SORBS2: variants seen among roughly 807,000 people sequenced by gnomAD.
SORBS2 encodes the protein sorbin and SH3 domain-containing protein 2.
In SORBS2, 46 loss-of-function variants were observed where a neutral mutation model predicts 97.7. That is an observed-to-expected ratio of 0.47 (90% CI 0.37 to 0.60). SORBS2 has a LOEUF of 0.60. Ranked by LOEUF, SORBS2 falls within the 20% of genes least tolerant of loss-of-function variation. SORBS2 has a pLI of 0.00. For missense variants in SORBS2, 1,316 were observed against 1,282.3 expected (o/e 1.03, Z -0.40); for synonymous variants, 476 against 473.4 (o/e 1.01, Z -0.07).
chr4:185,705,439 G>A (rs2098329322), intron 2 of SORBS2, among the ~76,000 whole-genome samples: 1 of 152,084 alleles, frequency 6.6e-6, no homozygotes, highest in African/African-American at 2.4e-5. Flanking sequence ...CCAGCTACTT[G>A]GGAGGCTGAG....
chr4:185,868,155 C>CTTTTTTTTTTTTTTTTTTTTTT (rs1431293135), intron 1 of SORBS2, among the ~76,000 whole-genome samples: 20 of 100,716 alleles, frequency 2.0e-4, no homozygotes, highest in Non-Finnish European at 2.4e-4. Context: ...TTCTTTTTTT[C>CTTTTTTTTTTTTTTTTTTTTTT]TTTCTTTTTT....
chr4:185,874,124 A>G (rs1444607943), intron 1 of SORBS2, among the ~76,000 whole-genome samples: 1 of 152,240 alleles, frequency 6.6e-6, no homozygotes, highest in African/African-American at 2.4e-5. Context: ...TGTTAATAAT[A>G]ATGAAAAAAT....
At chr4:185,850,993 G>A (rs1364121754) in intron 1 of SORBS2, among the ~76,000 whole-genome samples, 1 of 152,078 alleles carries the variant, frequency 6.6e-6, no homozygotes, top group Non-Finnish European at 1.5e-5. Flanking sequence ...CTGGTTCTTG[G>A]GCTCTCAGAC....
chr4:185,635,256 G>A lies in SORBS2; in HGVS notation c.397-4658C>T, dbSNP rs1239298993. On this transcript the variant is annotated intron_variant, in intron 4 of 14. Transcript: ENST00000418609. Reference sequence around the variant, plus strand: ...AAAGATAGATATTTTTTCAAAAATAGCTTAGACATTACAGAGAATTGTAAA... The same window carrying A: ...AAAGATAGATATTTTTTCAAAAATAACTTAGACATTACAGAGAATTGTAAA... 4.7e-6 allele frequency: 4 copies of A among 843,626 alleles called. No homozygotes were observed. In the South Asian group the frequency reaches 4.9e-5, roughly 10 times the overall value. The allele number at this position is 843,626 out of a possible 1,614,324, so 52.3% of individuals were successfully genotyped here.
intron 2 of SORBS2, among the ~76,000 whole-genome samples, chr4:185,764,424 T>C (rs935621339): frequency 3.9e-5 from 6 of 152,186 alleles, no homozygotes; most frequent in African/African-American, 1.4e-4. Context: ...TACAAAAAGA[T>C]ACACACTACA....
At chr4:185,610,479 T>C (rs2096517023) in intron 12 of SORBS2, among the ~76,000 whole-genome samples, 1 of 152,138 alleles carries the variant, frequency 6.6e-6, no homozygotes, top group South Asian at 2.1e-4. Flanking sequence ...TTCCATATAT[T>C]ATCCATGAAT....
At position 185,670,418 on chromosome 4, in the gene SORBS2, T is replaced by C. The variant is rs142553330; in HGVS notation, c.-46+8005A>G. On this transcript the variant is annotated intron_variant, in intron 4 of 20. Transcript: ENST00000284776. ...CCTTCCACCTCAGGTTCCAGTTGGC[T>C]TGACATGGCCCTGAGGTCAAGGATC... Among the ~76,000 whole-genome samples the C allele has an allele frequency of 2.2e-3, 337 of 152,230 alleles. 2 individuals are homozygous for C. Among genetic ancestry groups the C allele is most frequent in the African/African-American group, 7.8e-3 (326 of 41,534 alleles).
chr4:185,713,921 A>T, intron 2 of SORBS2, among the ~76,000 whole-genome samples: 1 of 152,234 alleles, frequency 6.6e-6, no homozygotes, highest in African/African-American at 2.4e-5. Context: ...GACTCTGACC[A>T]TTAGCATTGA....
chr4:185,761,514 GAA>G (rs2098891533), intron 2 of SORBS2: 1 of 152,248 alleles, frequency 6.6e-6, no homozygotes, highest in Non-Finnish European at 1.5e-5. Flanking sequence ...TGTCATTGGA[GAA>G]AGGCTATGCT....
intron 2 of SORBS2, among the ~76,000 whole-genome samples, chr4:185,733,529 G>A (rs1361663286): frequency 1.3e-5 from 2 of 152,210 alleles, no homozygotes; most frequent in Non-Finnish European, 2.9e-5. Flanking sequence ...GGCTGGAGGG[G>A]CTTGGAGGGG....
chr4:185,953,256 G>A (rs1404495480), intron 1 of SORBS2, among the ~76,000 whole-genome samples: 1 of 152,242 alleles, frequency 6.6e-6, no homozygotes, highest in Admixed American at 6.5e-5. Flanking sequence ...GGAGTTTGCA[G>A]TGAGCCGAGA....
Position 185,725,923 on chromosome 4 carries a change from C to T in SORBS2, c.-197-47101G>A, listed in dbSNP as rs2098551738. On this transcript the variant is annotated intron_variant, in intron 2 of 20. Coordinates refer to the SORBS2 transcript ENST00000284776. ...TAATTTTCAAGAATTTATTTTCCTT[C>T]TCAGTTTTTTTTTGTTTTTTAGTCA... Among the ~76,000 whole-genome samples, 2 of 152,150 alleles carry T rather than the reference C, an allele frequency of 1.3e-5. 1 individual carries two copies. The highest frequency in any genetic ancestry group is 4.8e-5 in the African/African-American group (2 of 41,438).
At chr4:185,588,775 C>A (rs999157775) in intron 14 of SORBS2, among the ~76,000 whole-genome samples, 4 of 152,070 alleles carry the variant, frequency 2.6e-5, no homozygotes, top group Non-Finnish European at 5.9e-5. Flanking sequence ...CCACCAAGCC[C>A]AGCTGATTAT....
At chr4:185,892,305 T>C (rs1185450113) in intron 1 of SORBS2, among the ~76,000 whole-genome samples, 1 of 152,216 alleles carries the variant, frequency 6.6e-6, no homozygotes, top group Admixed American at 6.5e-5. Context: ...TAGAATTGCA[T>C]CATGTATCTT....
intron 5 of SORBS2, among the ~76,000 whole-genome samples, chr4:185,630,181 G>A (rs952233605): frequency 2.6e-5 from 4 of 152,066 alleles, no homozygotes; most frequent in African/African-American, 7.2e-5. Context: ...TAACAAATAC[G>A]TGTATAACAC....
At chr4:185,948,358 T>C (rs1461482266) in intron 1 of SORBS2, among the ~76,000 whole-genome samples, 2 of 152,164 alleles carry the variant, frequency 1.3e-5, no homozygotes, top group Non-Finnish European at 2.9e-5. Flanking sequence ...CCTCCCCTAA[T>C]ATACATTAGC....
intron 1 of SORBS2, among the ~76,000 whole-genome samples, chr4:185,948,391 T>C (rs546494396): frequency 7.2e-5 from 11 of 152,248 alleles, no homozygotes; most frequent in African/African-American, 2.2e-4. Flanking sequence ...CTTCTATCCA[T>C]CTATCTTTCT....
At chr4:185,781,949 G>T (rs2099033198) in intron 1 of SORBS2, among the ~76,000 whole-genome samples, 1 of 152,208 alleles carries the variant, frequency 6.6e-6, no homozygotes, top group Non-Finnish European at 1.5e-5. Context: ...GCTTGAATTT[G>T]TTGGAGTAAT....
chr4:185,923,038 T>C (rs529368476), intron 1 of SORBS2, among the ~76,000 whole-genome samples: 1 of 152,350 alleles, frequency 6.6e-6, no homozygotes, highest in African/African-American at 2.4e-5. Flanking sequence ...TTCAGTTCTC[T>C]CCTCTGTAGA....
Sources: gnomAD v4.1 joint callset for allele counts (sites outside exome capture counted in the v4.1 genomes callset) on GRCh38, gnomAD v4.1.1 for gene constraint, MANE v1.5 for transcripts, NCBI Gene and HGNC (gene_info 2026-07-23, HGNC 2026-07-21) for gene names.